The following RORA variants were observed in gnomAD, a reference collection of about 807,000 sequenced individuals.
The protein encoded by RORA is nuclear receptor ROR-alpha.
A neutral mutation model predicts 69.5 loss-of-function variants in RORA; 7 were observed. The observed-to-expected ratio is 0.10, with a 90% CI of 0.06 to 0.19. The LOEUF is 0.19. Among genes scored for constraint, RORA ranks in the 10% least tolerant of loss-of-function variants. The pLI, the probability that RORA is intolerant of heterozygous loss-of-function variation, is 1.00. For synonymous variants in RORA, 261 were observed against 240.8 expected (o/e 1.08, Z -0.78); for missense variants, 457 against 663.0 (o/e 0.69, Z 3.41).
chr15:60,966,044 C>A (rs1479059103), intron 1 of RORA, among the ~76,000 whole-genome samples: 1 of 152,200 alleles, frequency 6.6e-6, no homozygotes, highest in Non-Finnish European at 1.5e-5. Context: ...AGTCTGATAT[C>A]AAGAAGTCCA....
Position 60,514,497 on chromosome 15 carries a change from G to A in RORA, c.424+119C>T, listed in dbSNP as rs74017204. The A allele has an allele frequency of 0.014, 13,043 of 951,954 alleles. 1,158 individuals carry two copies. In the African/African-American group the frequency reaches 0.19, roughly 14 times the overall value. The allele number at this position is 951,954 out of a possible 1,614,324, so 59.0% of individuals were successfully genotyped here. A position where few individuals can be genotyped will look rare whatever the true frequency, so the allele number is the denominator to read the frequency against. ...GCCAGAGGAGCATGGGGGGCGGGGC[G>A]TAAGGTGGAATAATGAGGAGGGGGC... On this transcript the variant is annotated intron_variant, in intron 4 of 10. Coordinates refer to ENST00000335670, the MANE Select transcript of RORA (RefSeq NM_134261.3).
chr15:61,104,880 C>T (rs1287113715), intron 1 of RORA, among the ~76,000 whole-genome samples: 1 of 152,124 alleles, frequency 6.6e-6, no homozygotes, highest in Non-Finnish European at 1.5e-5. Context: ...CAGTTTCCCC[C>T]ATACTGAACC....
intron 1 of RORA, among the ~76,000 whole-genome samples, chr15:61,059,720 T>G (rs1230150832): frequency 6.6e-6 from 1 of 152,042 alleles, no homozygotes. Context: ...TAAATAGGGC[T>G]CAGCCTGAAA....
chr15:61,092,545 T>G (rs940146811), intron 1 of RORA, among the ~76,000 whole-genome samples: 1 of 152,074 alleles, frequency 6.6e-6, no homozygotes, highest in Non-Finnish European at 1.5e-5. Context: ...TAACACTACA[T>G]GAAAATGAAA....
intron 2 of RORA, among the ~76,000 whole-genome samples, chr15:60,624,941 G>A (rs1412213248): frequency 6.6e-6 from 1 of 152,102 alleles, no homozygotes; most frequent in African/African-American, 2.4e-5. Context: ...ATGGGCCCTG[G>A]CATATTGAGA....
At chr15:61,106,100 T>C (rs978031422) in intron 1 of RORA, among the ~76,000 whole-genome samples, 1 of 152,226 alleles carries the variant, frequency 6.6e-6, no homozygotes, top group East Asian at 1.9e-4. Flanking sequence ...GTCACAATGA[T>C]TTGTTTCTTA....
chr15:61,207,744 A>C (rs2079955268), intron 1 of RORA, among the ~76,000 whole-genome samples: 1 of 152,242 alleles, frequency 6.6e-6, no homozygotes, highest in Non-Finnish European at 1.5e-5. Flanking sequence ...AAGTGACATT[A>C]CTAAGTTAGG....
intron 1 of RORA, among the ~76,000 whole-genome samples, chr15:60,799,943 A>C (rs2072555573): frequency 6.6e-6 from 1 of 152,230 alleles, no homozygotes; most frequent in South Asian, 2.1e-4. Flanking sequence ...TATTGCTAAG[A>C]TCAAATTAAA....
In RORA at chr15:60,490,763, T is replaced by C. The variant is rs1387159168; in HGVS notation, c.*6692A>G. 6.6e-6 allele frequency: 1 copy of C among 152,150 alleles called. No homozygotes were observed. The highest frequency in any genetic ancestry group is 2.4e-5 in the African/African-American group (1 of 41,446). 9.4% of individuals were successfully genotyped at this position (152,150 alleles called of 1,614,324 possible). A position where few individuals can be genotyped will look rare whatever the true frequency, so the allele number is the denominator to read the frequency against. On this transcript the variant is annotated 3_prime_UTR_variant, in exon 11 of 11. Transcript: ENST00000335670. This position sits in a 1 kb window ranked among gnomAD's most constrained non-coding sequence, Gnocchi z 4.1. ...TATTTAACCTATTTTTTTTGTACTTTGGAAACAAGAATATTGTTAAAGGTG... is the reference window on the plus strand; with the variant it reads ...TATTTAACCTATTTTTTTTGTACTTCGGAAACAAGAATATTGTTAAAGGTG...
At chr15:60,707,582 C>G (rs2071082427) in intron 1 of RORA, among the ~76,000 whole-genome samples, 1 of 152,032 alleles carries the variant, frequency 6.6e-6, no homozygotes. Flanking sequence ...CCAGGATGGT[C>G]TCGATCTCCT....
At chr15:61,167,232 A>G (rs2079545886) in intron 1 of RORA, among the ~76,000 whole-genome samples, 1 of 152,176 alleles carries the variant, frequency 6.6e-6, no homozygotes, top group Admixed American at 6.5e-5. Flanking sequence ...ATTACTTTAA[A>G]AGATTTTTTT....
At chr15:60,760,807 C>A (rs1208188285) in intron 1 of RORA, among the ~76,000 whole-genome samples, 1 of 152,030 alleles carries the variant, frequency 6.6e-6, no homozygotes, top group Non-Finnish European at 1.5e-5. Flanking sequence ...TTAATCAAGT[C>A]TTCTGGGTAA....
chr15:60,580,897 A>T (rs2140483407), intron 2 of RORA, among the ~76,000 whole-genome samples: 1 of 152,320 alleles, frequency 6.6e-6, no homozygotes, highest in African/African-American at 2.4e-5. Context: ...CTGAACAACC[A>T]TGTTTCTTTA....
chr15:61,098,194 C>CTCCT (rs144883195), intron 1 of RORA, among the ~76,000 whole-genome samples: 9,234 of 122,638 alleles, frequency 0.075, 425 homozygotes, highest in Middle Eastern at 0.099. Context: ...CCCTCCCTGT[C>CTCCT]TCCTTCCTTC....
chr15:60,946,249 C>CCTCTCT (rs1000264482), intron 1 of RORA, among the ~76,000 whole-genome samples: 2 of 152,014 alleles, frequency 1.3e-5, no homozygotes, highest in African/African-American at 4.8e-5. Flanking sequence ...TCTCCCTCTC[C>CCTCTCT]CTCTCTCTCC....
chr15:60,583,079 T>C (rs1199463700), intron 2 of RORA, among the ~76,000 whole-genome samples: 2 of 152,126 alleles, frequency 1.3e-5, no homozygotes, highest in African/African-American at 2.4e-5. Context: ...AATAATGAGA[T>C]AGATACTACA....
intron 1 of RORA, among the ~76,000 whole-genome samples, chr15:61,175,613 TGTGGGGGC>T (rs1450670771): frequency 3.9e-4 from 15 of 38,414 alleles, no homozygotes; most frequent in African/African-American, 6.8e-4. Flanking sequence ...GAAGGGCTGA[TGTGGGGGC>T]GTGGGGGATT....
At chr15:61,040,144 ATATATATATAT>A (rs1896682646) in intron 1 of RORA, among the ~76,000 whole-genome samples, 3 of 119,178 alleles carry the variant, frequency 2.5e-5, no homozygotes, top group Non-Finnish European at 5.3e-5. Flanking sequence ...ATATATATAT[ATATATATATAT>A]ATATATATAA....
chr15:60,537,993 C>T lies in RORA; in HGVS notation c.197-6142G>A, dbSNP rs1215521240. 3.3e-5 allele frequency among the ~76,000 whole-genome samples: 5 copies of T among 151,964 alleles called. No homozygotes were observed. The highest frequency in any genetic ancestry group is 5.9e-5 in the Non-Finnish European group (4 of 67,998). On this transcript the variant is annotated intron_variant, in intron 2 of 10. Transcript: ENST00000335670. This position sits in a 1 kb window ranked among gnomAD's most constrained non-coding sequence, Gnocchi z 4.9. Reference sequence around the variant, plus strand: ...CTTTGATTTTGGTGCTTTCAACATCCCTAAAGGAGGCAGATAGGTATTATC... The same window carrying T: ...CTTTGATTTTGGTGCTTTCAACATCTCTAAAGGAGGCAGATAGGTATTATC...
Sources: gnomAD v4.1 joint callset for allele counts (sites outside exome capture counted in the v4.1 genomes callset) on GRCh38, gnomAD v4.1.1 for gene constraint, Gnocchi (gnomAD v3.1) non-coding constraint, MANE v1.5 for transcripts, NCBI Gene and HGNC (gene_info 2026-07-23, HGNC 2026-07-21) for gene names.